Variants in RB1 observed in about 807,000 individuals in gnomAD.
RB1 encodes the protein RB transcriptional corepressor 1, also known as retinoblastoma-associated protein.
RB1 carries 18 observed loss-of-function variants against 135.4 expected under a neutral mutation model. That is an observed-to-expected ratio of 0.13 (90% CI 0.09 to 0.20). RB1 has a LOEUF of 0.20. Among genes scored for constraint, RB1 ranks in the 10% least tolerant of loss-of-function variants. The pLI is 1.00. For missense variants in RB1, 868 were observed against 1,110.0 expected, an observed-to-expected ratio of 0.78 and a Z score of 3.10; for synonymous variants, 365 against 373.2, an observed-to-expected ratio of 0.98 and a Z score of 0.25.
At chr13:48,317,142 G>A (rs1952191503) in intron 2 of RB1, 1 of 887,034 alleles carries the variant, frequency 1.1e-6, no homozygotes, top group Non-Finnish European at 1.5e-6. Flanking sequence ...CCCGGCCTGG[G>A]CCTCCCTGAA....
intron 11 of RB1, among the ~76,000 whole-genome samples, chr13:48,372,575 C>T (rs942437110): frequency 6.6e-6 from 1 of 151,470 alleles, no homozygotes; most frequent in Non-Finnish European, 1.5e-5. Flanking sequence ...CACTTGAACC[C>T]GGGAAGTGGA....
In RB1 at chr13:48,322,040, G is replaced by T. The variant is rs537743756; in HGVS notation, c.264+14634G>T. On this transcript the variant is annotated intron_variant, in intron 2 of 26. Coordinates refer to ENST00000267163, the MANE Select transcript of RB1 (RefSeq NM_000321.3). ...CTTTTCTCTGTTGATTATTTATTTT[G>T]CTATGCAGAAACTTTTTAGTTTAAG... 3.3e-5 allele frequency among the ~76,000 whole-genome samples: 5 copies of T among 152,130 alleles called. No homozygotes were observed. In the South Asian group the frequency reaches 6.2e-4, roughly 19 times the overall value.
At chr13:48,368,329 G>C (rs1952724674) in intron 10 of RB1, among the ~76,000 whole-genome samples, 198 bp from the exon 11 acceptor site, 1 of 152,070 alleles carries the variant, frequency 6.6e-6, no homozygotes, top group South Asian at 2.1e-4. Context: ...AATGGAAAGA[G>C]ACCCACAATT....
intron 23 of RB1, among the ~76,000 whole-genome samples, 197 bp from the exon 24 acceptor site, chr13:48,473,163 A>G (rs1949482679): frequency 6.6e-6 from 1 of 152,190 alleles, no homozygotes; most frequent in African/African-American, 2.4e-5. Flanking sequence ...TTTAAAACTA[A>G]GAGACTAGGT....
At chr13:48,342,809 C>G (rs1952458983) in intron 3 of RB1, 95 bp downstream of exon 3, 1 of 852,318 alleles carries the variant, frequency 1.2e-6, no homozygotes, top group East Asian at 2.5e-5. Flanking sequence ...GTGAGAAATG[C>G]TAAAATAAAG....
chr13:48,465,145 T>C (rs767823489), intron 22 of RB1, 34 bp downstream of exon 22: 1 of 1,613,174 alleles, frequency 6.2e-7, no homozygotes, highest in Non-Finnish European at 8.5e-7. Context: ...TGGAAAAATC[T>C]AATGTAATGG....
At chr13:48,407,561 A>G (rs1462295974) in intron 17 of RB1, among the ~76,000 whole-genome samples, 3 of 152,232 alleles carry the variant, frequency 2.0e-5, no homozygotes, top group Non-Finnish European at 2.9e-5. Context: ...TAGAGATTTT[A>G]GGAGTTATGT....
chr13:48,323,190 T>G (rs916264110), intron 2 of RB1, among the ~76,000 whole-genome samples: 3 of 152,106 alleles, frequency 2.0e-5, no homozygotes, highest in African/African-American at 7.2e-5. Context: ...ACTAATTCAG[T>G]CATTTTACTT....
intron 2 of RB1, chr13:48,333,017 G>T (rs1318695419): frequency 1.0e-5 from 4 of 398,226 alleles, no homozygotes; most frequent in African/African-American, 8.2e-5. Flanking sequence ...CTCAAAATAG[G>T]TACTCCGCTC....
At position 48,345,165 on chromosome 13, in the gene RB1, G is replaced by T. The variant is rs1034616967; in HGVS notation, c.466G>T (p.Asp156Tyr). 1.7e-5 allele frequency: 28 copies of T among 1,612,742 alleles called. No individual in the cohort carries two copies. The highest frequency in any genetic ancestry group is 2.3e-5 in the Non-Finnish European group (27 of 1,179,540). Residue 156 changes from aspartate (D) to tyrosine (Y), a missense_variant, in exon 4 of 27, where the codon GAT (aspartate) becomes TAT (tyrosine). By Grantham distance (160) the Asp-to-Tyr change is radical (BLOSUM62 -3). This residue lies in a region of RB1 where 641 missense variants were observed against 791.3 expected (regional missense o/e 0.81). Transcript: ENST00000267163. ...NAMSRLLKKY[D>Y]VLFALFSKLE... The stretch of plus-strand genomic sequence containing the variant: ...TATGTCAAGACTGTTGAAGAAGTAT[G>T]ATGTATTGTTTGCACTCTTCAGCAA...
At chr13:48,414,144 T>C (rs1948867000) in intron 17 of RB1, among the ~76,000 whole-genome samples, 1 of 152,086 alleles carries the variant, frequency 6.6e-6, no homozygotes, top group Admixed American at 6.5e-5. Flanking sequence ...GATCAGGAGT[T>C]TGAGAGCAGC....
At chr13:48,321,659 C>T (rs962809482) in intron 2 of RB1, among the ~76,000 whole-genome samples, 1 of 151,974 alleles carries the variant, frequency 6.6e-6, no homozygotes, top group Non-Finnish European at 1.5e-5. Context: ...AGTTCGAGAC[C>T]AGCCTGGCTA....
Position 48,373,333 on chromosome 13 carries a change from G to A in RB1, c.1128-72G>A, listed in dbSNP as rs185587. 6,833 of 931,958 alleles carry A rather than the reference G, an allele frequency of 7.3e-3. 49 individuals carry two copies. Among genetic ancestry groups the A allele is most frequent in the Middle Eastern group, 0.013 (55 of 4,164 alleles). 57.7% of individuals were successfully genotyped at this position (931,958 alleles called of 1,614,324 possible). A position where few individuals can be genotyped will look rare whatever the true frequency, so the allele number is the denominator to read the frequency against. On this transcript the variant is annotated intron_variant, in intron 11 of 26. Coordinates refer to ENST00000267163, the MANE Select transcript of RB1 (RefSeq NM_000321.3). ...TGAAGATACATTTAACTTGGGAGATGGAAAACATTTCATTTTTTCTTTTTT... is the reference window on the plus strand; with the variant it reads ...TGAAGATACATTTAACTTGGGAGATAGAAAACATTTCATTTTTTCTTTTTT...
chr13:48,452,359 A>T (rs1323255613), intron 17 of RB1, among the ~76,000 whole-genome samples: 4 of 152,108 alleles, frequency 2.6e-5, no homozygotes, highest in Admixed American at 2.6e-4. Context: ...TAAATTATTG[A>T]TTCAAATTAT....
At position 48,412,298 on chromosome 13, in the gene RB1, G is replaced by T. The variant is rs1160189072; in HGVS notation, c.1695+30855G>T. Reference sequence around the variant, plus strand: ...CATTTCGGACTTTGAGGACGCAGATGAAAATGTATATGGCAACACAATTGG... The same window carrying T: ...CATTTCGGACTTTGAGGACGCAGATTAAAATGTATATGGCAACACAATTGG... On this transcript the variant is annotated intron_variant, in intron 17 of 26. Coordinates refer to ENST00000267163, the MANE Select transcript of RB1 (RefSeq NM_000321.3). The T allele has an allele frequency of 3.1e-6, 5 of 1,613,498 alleles. No individual in the cohort carries two copies. The Admixed American group carries it at 8.3e-5, about 27-fold the overall frequency.
chr13:48,418,155 GA>G (rs1336230662), intron 17 of RB1, among the ~76,000 whole-genome samples: 2 of 152,134 alleles, frequency 1.3e-5, no homozygotes, highest in East Asian at 1.9e-4. Context: ...CCTACAAAGG[GA>G]AGCCCATCAG....
intron 20 of RB1, among the ~76,000 whole-genome samples, chr13:48,463,435 A>G (rs1411893210): frequency 6.6e-6 from 1 of 152,216 alleles, no homozygotes; most frequent in Non-Finnish European, 1.5e-5. Context: ...AAATTAACTG[A>G]TTCTACTTTC....
intron 17 of RB1, among the ~76,000 whole-genome samples, chr13:48,414,821 T>G (rs1033802087): frequency 2.0e-5 from 3 of 152,160 alleles, no homozygotes; most frequent in African/African-American, 7.2e-5. Flanking sequence ...ATACTTAAAA[T>G]TTTGAAGGGT....
intron 2 of RB1, among the ~76,000 whole-genome samples, chr13:48,311,779 C>G (rs1952132759): frequency 6.6e-6 from 1 of 152,194 alleles, no homozygotes; most frequent in East Asian, 1.9e-4. Flanking sequence ...GATCTCGGCT[C>G]ACTGCAACCT....
Sources: allele counts gnomAD v4.1 joint callset (sites outside exome capture counted in the v4.1 genomes callset), GRCh38; gene constraint gnomAD v4.1.1; regional missense constraint gnomAD v4.1.1; transcripts MANE v1.5; gene names NCBI Gene and HGNC (gene_info 2026-07-23, HGNC 2026-07-21).